The following CELSR1 variants were observed in gnomAD, a reference collection of about 807,000 sequenced individuals.
CELSR1 encodes the protein adhesion G protein-coupled receptor C1.
CELSR1 carries 110 observed loss-of-function variants against 249.1 expected under a neutral mutation model. The observed-to-expected ratio is 0.44, with a 90% CI of 0.38 to 0.52. The LOEUF (loss-of-function observed/expected upper bound fraction) is 0.52, where lower values mean the gene tolerates loss of function less well. Ranked by LOEUF, CELSR1 falls within the 20% of genes least tolerant of loss-of-function variation. The pLI is 0.00. For synonymous variants in CELSR1, 2,113 were observed against 1,900.0 expected, an observed-to-expected ratio of 1.11 and a Z score of -2.92; for missense variants, 4,109 against 4,296.4, an observed-to-expected ratio of 0.96 and a Z score of 1.22.
chr22:46,410,023 G>A lies in CELSR1; in HGVS notation c.4934-143C>T. ...CCAGGTCTGAACGCCCCTGGCAACGGCAGGAACATGGGAACTAAGAAGGTG... is the reference window on the plus strand; with the variant it reads ...CCAGGTCTGAACGCCCCTGGCAACGACAGGAACATGGGAACTAAGAAGGTG... On this transcript the variant is annotated intron_variant, in intron 7 of 34. Transcript: ENST00000674500. The surrounding 1 kb of genome is among the most constrained non-coding windows in gnomAD (Gnocchi z 6.8). The A allele has an allele frequency of 9.7e-7, 1 of 1,033,778 alleles. No individual in the cohort carries two copies. The highest frequency in any genetic ancestry group is 2.4e-5 in the Admixed American group (1 of 41,982). 64.0% of individuals were successfully genotyped at this position (1,033,778 alleles called of 1,614,324 possible).
chr22:46,399,763 T>C lies in CELSR1; in HGVS notation c.5366A>G (p.Glu1789Gly), dbSNP rs751270703. 5 of 1,613,940 alleles carry C rather than the reference T, an allele frequency of 3.1e-6. No individual in the cohort carries two copies. Among genetic ancestry groups the C allele is most frequent in the African/African-American group, 1.3e-5 (1 of 74,908 alleles). Residue 1789 changes from glutamate to glycine, a missense_variant, in exon 10 of 35, where the codon GAG (glutamate) becomes GGG (glycine). Glu to Gly is a moderately conservative substitution (Grantham distance 98). Transcript: ENST00000674500. The surrounding 1 kb of genome is among the most constrained non-coding windows in gnomAD (Gnocchi z 5.0). ...GGTCATGGTGACCAGGTGCTTCATCTCACTGTCCTCCTTAACATTCTTCAG... is the reference window on the plus strand; with the variant it reads ...GGTCATGGTGACCAGGTGCTTCATCCCACTGTCCTCCTTAACATTCTTCAG... The part of the protein sequence containing the change: ...IELKNVKEDS[E>G]MKHLVTMTLD...
rs567877354 is a variant in CELSR1, at chr22:46,484,192, G to C, written c.3545-19847C>G. Reference sequence around the variant, plus strand: ...CTGGGGAGAGCCGTTACGACGGTGGGGACGGGTCCGAGGTCTGAACTGGGC... The same window carrying C: ...CTGGGGAGAGCCGTTACGACGGTGGCGACGGGTCCGAGGTCTGAACTGGGC... On this transcript the variant is annotated intron_variant, in intron 1 of 34. Coordinates refer to ENST00000674500, the MANE Select transcript of CELSR1 (RefSeq NM_001378328.1). The surrounding 1 kb of genome is among the most constrained non-coding windows in gnomAD (Gnocchi z 4.5). Among the ~76,000 whole-genome samples, 3 of 152,294 alleles carry C rather than the reference G, an allele frequency of 2.0e-5. No individual in the cohort carries two copies. The highest frequency in any genetic ancestry group is 7.2e-5 in the African/African-American group (3 of 41,572).
rs1349788386 is a variant in CELSR1, at chr22:46,512,346, G to C, written c.3544+21281C>G. On this transcript the variant is annotated intron_variant, in intron 1 of 34. Transcript: ENST00000674500. The surrounding 1 kb of genome is among the most constrained non-coding windows in gnomAD (Gnocchi z 5.2). ...AGCACTTTGGGAGGCCAAGGCAGGC[G>C]GATCACATGAGGTCAGGAGATCGAG... is the stretch of plus-strand genomic sequence containing the variant. Among the ~76,000 whole-genome samples, 9 of 152,108 alleles carry C rather than the reference G, an allele frequency of 5.9e-5. No homozygotes were observed. Among genetic ancestry groups the C allele is most frequent in the Admixed American group, 5.9e-4 (9 of 15,290 alleles).
Position 46,365,579 on chromosome 22 carries a change from G to A in CELSR1, c.8404+7C>T, listed in dbSNP as rs1028293224. ...CACGGGGTCCTCCCCCTCCAGGGAA[G>A]CCATACCAGGGGGATCCTTGCAGCT... On this transcript the variant is annotated splice_region_variant and intron_variant, in intron 31 of 34. Coordinates refer to ENST00000674500, the MANE Select transcript of CELSR1 (RefSeq NM_001378328.1). The A allele has an allele frequency of 1.9e-6, 3 of 1,583,050 alleles. No homozygotes were observed. Among genetic ancestry groups the A allele is most frequent in the Non-Finnish European group, 8.6e-7 (1 of 1,164,586 alleles).
chr22:46,378,581 G>T lies in CELSR1; in HGVS notation c.7383+10C>A. The T allele has an allele frequency of 6.4e-7, 1 of 1,557,268 alleles. No homozygotes were observed. The highest frequency in any genetic ancestry group is 2.4e-5 in the East Asian group (1 of 41,754). On this transcript the variant is annotated intron_variant, in intron 23 of 34. Transcript: ENST00000674500. ...CCCAGAGGGCACAGTGGCCACGGGAGGATGCCCACCTCACGCCTGGAGATA... is the reference window on the plus strand; with the variant it reads ...CCCAGAGGGCACAGTGGCCACGGGATGATGCCCACCTCACGCCTGGAGATA...
rs2080294290 is a variant in CELSR1, at chr22:46,484,315, C to T, written c.3545-19970G>A. Among the ~76,000 whole-genome samples, 2 of 152,188 alleles carry T rather than the reference C, an allele frequency of 1.3e-5. No homozygotes were observed. On this transcript the variant is annotated intron_variant, in intron 1 of 34. Coordinates refer to ENST00000674500, the MANE Select transcript of CELSR1 (RefSeq NM_001378328.1). The surrounding 1 kb of genome is among the most constrained non-coding windows in gnomAD (Gnocchi z 4.5). ...CCTGCAGGGGACAGAGTCCCTCCTT[C>T]CACCAGCCCAGCCCAGCCCATGGTG... is the stretch of plus-strand genomic sequence containing the variant.
intron 1 of CELSR1, among the ~76,000 whole-genome samples, chr22:46,508,047 C>T (rs187946293): frequency 7.1e-4 from 108 of 152,312 alleles, no homozygotes; most frequent in Non-Finnish European, 1.2e-3. Context: ...ACGCTGTCAT[C>T]ATCACTGCCC....
At chr22:46,453,798 C>A (rs943091430) in intron 2 of CELSR1, among the ~76,000 whole-genome samples, 5 of 152,166 alleles carry the variant, frequency 3.3e-5, no homozygotes, top group Admixed American at 1.3e-4. Context: ...GACTGCCAGA[C>A]CCCCACCACA....
chr22:46,366,393 T>C lies in CELSR1; in HGVS notation c.8293A>G (p.Ile2765Val). 6.5e-7 allele frequency: 1 copy of C among 1,548,838 alleles called. No individual in the cohort carries two copies. The highest frequency in any genetic ancestry group is 8.7e-7 in the Non-Finnish European group (1 of 1,146,036). The stretch of plus-strand genomic sequence containing the variant: ...CCGGAGCTGCGGCCTGACCTGACGA[T>C]GCTGTCCAGCGAGGCGGTGGACTCG... Reference protein sequence around the residue: ...LGESTASLDSIVRDEGIQKLG... With the variant: ...LGESTASLDSVVRDEGIQKLG... Residue 2765 changes from isoleucine (I) to valine (V), a missense_variant, in exon 30 of 35, where the codon ATC becomes GTC. By Grantham distance (29) the Ile-to-Val change is conservative. Coordinates refer to ENST00000674500, the MANE Select transcript of CELSR1 (RefSeq NM_001378328.1).
intron 9 of CELSR1, among the ~76,000 whole-genome samples, chr22:46,403,190 C>T (rs1330929540): frequency 1.3e-5 from 2 of 152,116 alleles, no homozygotes; most frequent in South Asian, 2.1e-4. Context: ...GATAAATCTA[C>T]AGTCAAGGTA....
intron 4 of CELSR1, among the ~76,000 whole-genome samples, chr22:46,435,906 G>A (rs1479779921): frequency 2.6e-5 from 4 of 151,614 alleles, no homozygotes; most frequent in African/African-American, 9.7e-5. Flanking sequence ...TCACCATGTT[G>A]GTCAGGCTGG....
At position 46,363,924 on chromosome 22, in the gene CELSR1, GC is replaced by G; in HGVS notation, c.9035+71del. Reference sequence around the variant, plus strand: ...GGTGGGTGTCAGGTCCCTGACCACTGCCCCCTCTCTCTCCTGACTCAGGACA... The same window carrying G: ...GGTGGGTGTCAGGTCCCTGACCACTGCCCCTCTCTCTCCTGACTCAGGACA... On this transcript the variant is annotated intron_variant, in intron 34 of 34. Coordinates refer to ENST00000674500, the MANE Select transcript of CELSR1 (RefSeq NM_001378328.1). This position sits in a 1 kb window ranked among gnomAD's most constrained non-coding sequence, Gnocchi z 4.3. 6.9e-7 allele frequency: 1 copy of G among 1,452,456 alleles called. No homozygotes were observed. 90.0% of individuals were successfully genotyped at this position (1,452,456 alleles called of 1,614,324 possible).
chr22:46,391,731 A>G lies in CELSR1; in HGVS notation c.6050T>C (p.Met2017Thr). 1 of 1,612,302 alleles carries G rather than the reference A, an allele frequency of 6.2e-7. No individual in the cohort carries two copies. The highest frequency in any genetic ancestry group is 8.5e-7 in the Non-Finnish European group (1 of 1,179,882). Residue 2017 changes from methionine to threonine, a missense_variant, in exon 15 of 35, where the codon ATG (methionine) becomes ACG (threonine). Coordinates refer to ENST00000674500, the MANE Select transcript of CELSR1 (RefSeq NM_001378328.1). The surrounding 1 kb of genome is among the most constrained non-coding windows in gnomAD (Gnocchi z 4.3). ...CTTGCAGGCACACTGCCCGGTGGCC[A>G]TGTCGCAAGTGCGGCTGTGGGAGCC... ...PHGSHSRTCD[M>T]ATGQCACKPG...
chr22:46,389,209 C>T (rs888837010), intron 18 of CELSR1, 81 bp downstream of exon 18: 19 of 1,442,248 alleles, frequency 1.3e-5, no homozygotes, highest in African/African-American at 4.2e-5. Context: ...CTGAGGTAGA[C>T]GCCCAGCCCC....
chr22:46,511,811 C>T (rs1282530939), intron 1 of CELSR1, among the ~76,000 whole-genome samples: 1 of 152,068 alleles, frequency 6.6e-6, no homozygotes, highest in Non-Finnish European at 1.5e-5. Context: ...ATGGGGCAGC[C>T]CCAGGAAAAG....
intron 1 of CELSR1, among the ~76,000 whole-genome samples, chr22:46,502,784 T>C (rs2080479304): frequency 6.6e-6 from 1 of 151,942 alleles, no homozygotes; most frequent in African/African-American, 2.4e-5. Context: ...CTCCTGACTC[T>C]CTCTAACTGT....
chr22:46,536,295 G>A lies in CELSR1; in HGVS notation c.876C>T (p.Ser292=). 1 of 1,612,594 alleles carries A rather than the reference G, an allele frequency of 6.2e-7. No individual in the cohort carries two copies. Among genetic ancestry groups the A allele is most frequent in the Non-Finnish European group, 8.5e-7 (1 of 1,179,896 alleles). ...CAGAGTCGATTCGGAAGTAGCCCCG[G>A]GAGCGCTCGTCGAACAGCCCCTCCA... ...YYMEGLFDER[S]RGYFRIDSAT... is the part of the protein sequence containing the mutation. Residue 292 remains serine (S), a synonymous_variant, in exon 1 of 35, where the codon TCC becomes TCT. Transcript: ENST00000674500.
intron 1 of CELSR1, among the ~76,000 whole-genome samples, chr22:46,525,347 G>C (rs1390517785): frequency 6.6e-6 from 1 of 152,028 alleles, no homozygotes; most frequent in Non-Finnish European, 1.5e-5. Flanking sequence ...TACTCGGGAG[G>C]CTGAGGCAGG....
intron 5 of CELSR1, among the ~76,000 whole-genome samples, chr22:46,424,392 G>A (rs1196909756): frequency 6.6e-6 from 1 of 152,034 alleles, no homozygotes; most frequent in Non-Finnish European, 1.5e-5. Context: ...AAGTTATTTT[G>A]ATGAAACTTT....
Sources: allele counts gnomAD v4.1 joint callset (sites outside exome capture counted in the v4.1 genomes callset), GRCh38; gene constraint gnomAD v4.1.1; non-coding constraint Gnocchi (gnomAD v3.1); transcripts MANE v1.5; gene names NCBI Gene and HGNC (gene_info 2026-07-23, HGNC 2026-07-21).